SGPL1: variants seen among roughly 807,000 people sequenced by gnomAD.
SGPL1 encodes sphingosine-1-phosphate lyase 1.
A neutral mutation model predicts 68.9 loss-of-function variants in SGPL1; 37 were observed. The ratio of observed to expected loss-of-function variants is 0.54; its 90% confidence interval spans 0.41 to 0.71. SGPL1 has a LOEUF of 0.71. Ranked by LOEUF, SGPL1 falls within the 30% of genes least tolerant of loss-of-function variation. The probability of loss-of-function intolerance (pLI) is 0.00; values close to 1 mark genes in which losing one functional copy is unlikely to be tolerated. For missense variants in SGPL1, 551 were observed against 704.6 expected (o/e 0.78, Z 2.47); for synonymous variants, 236 against 248.5 (o/e 0.95, Z 0.47).
intron 7 of SGPL1, among the ~76,000 whole-genome samples, chr10:70,861,855 C>T (rs957135379): frequency 1.3e-5 from 2 of 152,226 alleles, no homozygotes; most frequent in Admixed American, 6.5e-5. Context: ...CTCGATTTCT[C>T]GCTGGGCCTT....
At chr10:70,863,408 A>T (rs1241181364) in intron 7 of SGPL1, among the ~76,000 whole-genome samples, 1 of 150,892 alleles carries the variant, frequency 6.6e-6, no homozygotes, top group Non-Finnish European at 1.5e-5. Context: ...GTGTCTGATA[A>T]TTCCAATATC....
At position 70,854,621 on chromosome 10, in the gene SGPL1, T is replaced by C. The variant is rs190829437; in HGVS notation, c.262-87T>C. The C allele has an allele frequency of 1.5e-4, 168 of 1,152,172 alleles. 1 individual carries two copies. In the East Asian group the frequency reaches 3.9e-3, roughly 27 times the overall value. The allele number at this position is 1,152,172 out of a possible 1,614,324, so 71.4% of individuals were successfully genotyped here. ...TTAGTTACTTGTGCGGTGCCTAGCA[T>C]TGAGCAGTTGCTTGACTGTCATAAT... On this transcript the variant is annotated intron_variant, in intron 4 of 14. Coordinates refer to ENST00000373202, the MANE Select transcript of SGPL1 (RefSeq NM_003901.4).
At chr10:70,839,085 T>A (rs1361326843) in intron 2 of SGPL1, among the ~76,000 whole-genome samples, 1 of 152,118 alleles carries the variant, frequency 6.6e-6, no homozygotes, top group Non-Finnish European at 1.5e-5. Flanking sequence ...GCTACCAAGC[T>A]CCCATAAATT....
At position 70,848,454 on chromosome 10, in the gene SGPL1, CTTTTTTTTTTTTTT is replaced by C. The variant is rs55860254; in HGVS notation, c.194-2674_194-2661del. Among the ~76,000 whole-genome samples, 14 of 70,684 alleles carry C rather than the reference CTTTTTTTTTTTTTT, an allele frequency of 2.0e-4. 1 individual carries two copies. The highest frequency in any genetic ancestry group is 1.2e-3 in the South Asian group (2 of 1,614). The allele number at this position is 70,684 out of a possible 152,430, so 46.4% of individuals were successfully genotyped here. On this transcript the variant is annotated intron_variant, in intron 3 of 14. Coordinates refer to ENST00000373202, the MANE Select transcript of SGPL1 (RefSeq NM_003901.4). The stretch of plus-strand genomic sequence containing the variant: ...CAAACTAACGTGATTACCTCACGTA[CTTTTTTTTTTTTTT>C]TTTTTTTTTTTTTTGAGATGGAGTT...
At chr10:70,854,956 A>G in intron 5 of SGPL1, 101 bp downstream of exon 5, 13 of 1,044,550 alleles carry the variant, frequency 1.2e-5, no homozygotes, top group Non-Finnish European at 1.6e-5. Flanking sequence ...TCATTGGTTA[A>G]TACATGTTTA....
chr10:70,871,785 A>T, intron 10 of SGPL1, 52 bp from the exon 11 acceptor site: 1 of 1,571,678 alleles, frequency 6.4e-7, no homozygotes. Context: ...TGCAGTTTTT[A>T]TTATAGGGCT....
intron 11 of SGPL1, 53 bp downstream of exon 11, chr10:70,872,039 G>A: frequency 1.3e-6 from 2 of 1,551,174 alleles, no homozygotes; most frequent in Non-Finnish European, 1.8e-6. Flanking sequence ...GACTATTATT[G>A]ATAAAATAAA....
At chr10:70,871,519 GC>G (rs1846295474) in intron 10 of SGPL1, among the ~76,000 whole-genome samples, 1 of 152,162 alleles carries the variant, frequency 6.6e-6, no homozygotes, top group African/African-American at 2.4e-5. Flanking sequence ...AGTGACTGAG[GC>G]AGGACCTTTC....
Position 70,819,788 on chromosome 10 carries a change from G to T in SGPL1, c.27+2908G>T, listed in dbSNP as rs188014486. 1.9e-3 allele frequency among the ~76,000 whole-genome samples: 284 copies of T among 152,136 alleles called. 1 individual carries two copies. The highest frequency in any genetic ancestry group is 6.7e-3 in the African/African-American group (277 of 41,494). On this transcript the variant is annotated intron_variant, in intron 2 of 14. Transcript: ENST00000373202. ...TGGGACGACAGGCACATGCCACCAT[G>T]CCCGGCTGATTTTTGTATTTATTTT...
intron 2 of SGPL1, among the ~76,000 whole-genome samples, chr10:70,821,084 T>C (rs1358956710): frequency 6.6e-6 from 1 of 152,196 alleles, no homozygotes; most frequent in African/African-American, 2.4e-5. Context: ...AATTTTGTTA[T>C]CATTTGATTA....
chr10:70,854,779 G>A lies in SGPL1; in HGVS notation c.333G>A (p.Glu111=), dbSNP rs750993580. Residue 111 remains glutamate (E), a synonymous_variant, in exon 5 of 15, where the codon GAG becomes GAA. Coordinates refer to ENST00000373202, the MANE Select transcript of SGPL1 (RefSeq NM_003901.4). ...TGTCATTCCTGAAAGTGGACAAAGA[G>A]TATGTGAAAGCTTTACCCTCCCAGG... ...KNMSFLKVDK[E]YVKALPSQGL... is the part of the protein sequence containing the mutation. 6.2e-6 allele frequency: 10 copies of A among 1,614,030 alleles called. No individual in the cohort carries two copies. The highest frequency in any genetic ancestry group is 8.5e-6 in the Non-Finnish European group (10 of 1,179,940).
At chr10:70,875,316 CTT>C (rs1168461457) in intron 12 of SGPL1, 84 bp from the exon 13 acceptor site, 10 of 872,626 alleles carry the variant, frequency 1.1e-5, no homozygotes, top group South Asian at 9.3e-5. Context: ...ATAAGGAAGA[CTT>C]TGAATGATTA....
rs1564631206 is a variant in SGPL1, at chr10:70,869,904, C to T, written c.810+7C>T. 1.2e-6 allele frequency: 2 copies of T among 1,610,504 alleles called. No individual in the cohort carries two copies. Among genetic ancestry groups the T allele is most frequent in the Non-Finnish European group, 1.7e-6 (2 of 1,177,268 alleles). ...GATGGAGGTGGATGTGCGGGTGAGT[C>T]CCTCTGGAGGGCCCACTGTCTGTGC... On this transcript the variant is annotated splice_region_variant and intron_variant, in intron 9 of 14. Coordinates refer to ENST00000373202, the MANE Select transcript of SGPL1 (RefSeq NM_003901.4).
Position 70,816,814 on chromosome 10 carries a change from C to G in SGPL1, c.-40C>G, listed in dbSNP as rs767305650. The G allele has an allele frequency of 6.2e-7, 1 of 1,610,016 alleles. No individual in the cohort carries two copies. Among genetic ancestry groups the G allele is most frequent in the African/African-American group, 1.3e-5 (1 of 74,798 alleles). On this transcript the variant is annotated 5_prime_UTR_variant, in exon 2 of 15. Transcript: ENST00000373202. ...CAAACCTGGTTCCCTTTTACAGAGT[C>G]TGAAAAAGGGGAGCGCGGAGAGGAG...
intron 2 of SGPL1, among the ~76,000 whole-genome samples, chr10:70,837,240 G>C (rs1195395114): frequency 2.0e-5 from 3 of 151,836 alleles, no homozygotes; most frequent in Admixed American, 1.3e-4. Flanking sequence ...ACCATGCCTG[G>C]CTAATTTTTC....
chr10:70,827,137 A>C (rs1845451320), intron 2 of SGPL1, among the ~76,000 whole-genome samples: 1 of 152,246 alleles, frequency 6.6e-6, no homozygotes, highest in Admixed American at 6.5e-5. Context: ...AATTTATACC[A>C]CTATCAACAA....
intron 8 of SGPL1, 113 bp downstream of exon 8, chr10:70,868,546 C>G (rs1846235160): frequency 1.2e-6 from 1 of 835,370 alleles, no homozygotes; most frequent in Non-Finnish European, 2.0e-6. Context: ...TCTGGTAATT[C>G]TGGTCCCCTT....
intron 7 of SGPL1, among the ~76,000 whole-genome samples, chr10:70,862,515 C>G (rs576737347): frequency 6.6e-6 from 1 of 152,256 alleles, no homozygotes; most frequent in Admixed American, 6.5e-5. Context: ...GGTCCCCTTC[C>G]ACACTGTGGA....
At chr10:70,836,725 G>A (rs569743750) in intron 2 of SGPL1, among the ~76,000 whole-genome samples, 101 of 152,180 alleles carry the variant, frequency 6.6e-4, no homozygotes, top group Non-Finnish European at 1.2e-3. Context: ...ACAGGAGTGT[G>A]CCACCATGCC....
Sources: gnomAD v4.1 joint callset for allele counts (sites outside exome capture counted in the v4.1 genomes callset) on GRCh38, gnomAD v4.1.1 for gene constraint, MANE v1.5 for transcripts, NCBI Gene and HGNC (gene_info 2026-07-23, HGNC 2026-07-21) for gene names.